GLRA2: variants seen among roughly 807,000 people sequenced by gnomAD.
GLRA2 encodes glycine receptor alpha 2.
In GLRA2, 11 loss-of-function variants were observed where a neutral mutation model predicts 31.6. The observed-to-expected ratio is 0.35, with a 90% CI of 0.22 to 0.58. GLRA2 has a LOEUF of 0.58. Among genes scored for constraint, GLRA2 ranks in the 20% least tolerant of loss-of-function variants. The probability of loss-of-function intolerance (pLI) is 0.84; values close to 1 mark genes in which losing one functional copy is unlikely to be tolerated. For missense variants in GLRA2, 212 were observed against 351.8 expected (o/e 0.60, Z 3.18); for synonymous variants, 132 against 134.0 (o/e 0.99, Z 0.10).
intron 8 of GLRA2, among the ~76,000 whole-genome samples, chrX:14,719,218 C>T (rs1291837830): frequency 1.8e-5 from 2 of 111,746 alleles, no homozygotes; most frequent in African/African-American, 6.5e-5. Flanking sequence ...TAAAAGACTT[C>T]AATGGGTGAA....
chrX:14,719,426 C>A (rs949505151), intron 8 of GLRA2, among the ~76,000 whole-genome samples: 3 of 111,876 alleles, frequency 2.7e-5, no homozygotes, highest in African/African-American at 9.7e-5. Context: ...AGAAGACATA[C>A]AAATGACCAA....
At chrX:14,690,643 C>T in intron 7 of GLRA2, 67 bp from the exon 8 acceptor site, 1 of 786,526 alleles carries the variant, frequency 1.3e-6, no homozygotes, top group Non-Finnish European at 1.9e-6. Context: ...TCCTGGCAGG[C>T]TTTCATAGTC....
the GLRA2 span, among the ~76,000 whole-genome samples, chrX:14,513,957 A>G: frequency 2.7e-5 from 3 of 112,184 alleles, no homozygotes; most frequent in Non-Finnish European, 5.6e-5. Context: ...CAAAAAGGAT[A>G]CTTGCCCATG....
At chrX:14,699,463 A>G (rs1242291559) in intron 8 of GLRA2, among the ~76,000 whole-genome samples, 1 of 112,328 alleles carries the variant, frequency 8.9e-6, no homozygotes, top group African/African-American at 3.2e-5. Context: ...TAATTGACAC[A>G]TAATAGTTGT....
At chrX:14,720,205 C>G (rs1254932210) in intron 8 of GLRA2, among the ~76,000 whole-genome samples, 1 of 111,465 alleles carries the variant, frequency 9.0e-6, no homozygotes, top group East Asian at 2.8e-4. Context: ...CAACACAACA[C>G]AGTGATTAAG....
chrX:14,476,866 A>G, the GLRA2 span, among the ~76,000 whole-genome samples: 25 of 112,254 alleles, frequency 2.2e-4, no homozygotes, highest in African/African-American at 6.5e-4. Context: ...AAAAACTGCA[A>G]TTGCTTTTAC....
chrX:14,641,633 A>G, intron 7 of GLRA2, among the ~76,000 whole-genome samples: 1 of 111,604 alleles, frequency 9.0e-6, no homozygotes. Flanking sequence ...AGTACATTGA[A>G]AGCCCTCATT....
the GLRA2 span, among the ~76,000 whole-genome samples, chrX:14,508,329 G>A: frequency 2.7e-5 from 3 of 112,405 alleles, no homozygotes; most frequent in Non-Finnish European, 5.6e-5. Context: ...TATAGTGACT[G>A]TAGTAGAAAG....
chrX:14,724,259 G>A (rs995724365), intron 8 of GLRA2, among the ~76,000 whole-genome samples: 3 of 111,272 alleles, frequency 2.7e-5, no homozygotes, highest in Non-Finnish European at 3.8e-5. Context: ...AGAGACTTTT[G>A]TATTCTTGTT....
chrX:14,581,771 C>T (rs1350754281), intron 4 of GLRA2, among the ~76,000 whole-genome samples: 3 of 65,033 alleles, frequency 4.6e-5, no homozygotes, highest in South Asian at 6.5e-4. Flanking sequence ...AGCATGCACA[C>T]ACACACACAC....
intron 7 of GLRA2, among the ~76,000 whole-genome samples, chrX:14,676,934 A>G (rs2091151285): frequency 1.8e-5 from 2 of 111,806 alleles, no homozygotes; most frequent in Non-Finnish European, 3.8e-5. Context: ...ATGTCTATAC[A>G]ATGCGAAACA....
rs190926790 is a variant in GLRA2 at position 14,707,843 on chromosome X, G to A, written c.1080+16984G>A. On this transcript the variant is annotated intron_variant, in intron 8 of 8. Coordinates refer to ENST00000218075, the MANE Select transcript of GLRA2 (RefSeq NM_002063.4). ...TTTTTTCTAGCTTTAAGGTATAATT[G>A]ACAATTAGAAATCATATATATTTAA... Among the ~76,000 whole-genome samples, 950 of 110,474 alleles carry A rather than the reference G, an allele frequency of 8.6e-3. 21 individuals carry two copies. Among genetic ancestry groups the A allele is most frequent in the Admixed American group, 0.084 (875 of 10,397 alleles).
intron 4 of GLRA2, among the ~76,000 whole-genome samples, chrX:14,588,155 C>T (rs1179154846): frequency 8.9e-6 from 1 of 111,761 alleles, no homozygotes; most frequent in African/African-American, 3.3e-5. Flanking sequence ...CTGCCCACCT[C>T]AGCCTCCCAA....
intron 7 of GLRA2, among the ~76,000 whole-genome samples, chrX:14,616,312 G>T (rs1344449982): frequency 8.9e-6 from 1 of 111,854 alleles, no homozygotes; most frequent in Non-Finnish European, 1.9e-5. Flanking sequence ...GCAAACACTG[G>T]GATAGCTAGA....
At chrX:14,493,119 G>C in the GLRA2 span, among the ~76,000 whole-genome samples, 1 of 110,532 alleles carries the variant, frequency 9.0e-6, no homozygotes, top group Non-Finnish European at 1.9e-5. Context: ...ATGAATTTTG[G>C]GAGAGACACA....
At position 14,731,422 on chromosome X, in the gene GLRA2, A is replaced by AGAT. The variant is rs1205834455; in HGVS notation, c.*939_*941dup. ...AGCTACTCAGCTACAGTATTTATGG[A>AGAT]GATGGTGTGTCCTGAACAGTGTAGC... On this transcript the variant is annotated 3_prime_UTR_variant, in exon 9 of 9. Coordinates refer to ENST00000218075, the MANE Select transcript of GLRA2 (RefSeq NM_002063.4). 1 of 111,792 alleles carries AGAT rather than the reference A, an allele frequency of 8.9e-6. No individual in the cohort carries two copies. 9.2% of individuals were successfully genotyped at this position (111,792 alleles called of 1,213,427 possible).
At chrX:14,493,050 A>T in the GLRA2 span, among the ~76,000 whole-genome samples, 3 of 111,159 alleles carry the variant, frequency 2.7e-5, no homozygotes, top group Admixed American at 1.9e-4. Flanking sequence ...TCATGACTTA[A>T]TCCCTGCCTA....
rs2089268043 is a variant in GLRA2, at chrX:14,532,344, T to C, written c.174T>C (p.Tyr58=). ...AGTTAATGGGAAGGACATCAGGATA[T>C]GATGCAAGAATCAGGCCAAATTTTA... The part of the protein sequence containing the change: ...LDKLMGRTSG[Y]DARIRPNFKG... Residue 58 remains tyrosine, a synonymous_variant, in exon 2 of 9, where the codon TAT becomes TAC. Coordinates refer to ENST00000218075, the MANE Select transcript of GLRA2 (RefSeq NM_002063.4). 8.4e-7 allele frequency: 1 copy of C among 1,191,543 alleles called. No homozygotes were observed. Among genetic ancestry groups the C allele is most frequent in the Non-Finnish European group, 1.1e-6 (1 of 881,229 alleles).
intron 7 of GLRA2, among the ~76,000 whole-genome samples, chrX:14,635,149 G>A (rs1055918383): frequency 1.8e-5 from 2 of 111,650 alleles, no homozygotes; most frequent in Admixed American, 1.9e-4. Context: ...TCTATGTCAA[G>A]TTTAACCTGA....
Sources: allele counts gnomAD v4.1 joint callset (sites outside exome capture counted in the v4.1 genomes callset), GRCh38; gene constraint gnomAD v4.1.1; transcripts MANE v1.5; gene names NCBI Gene and HGNC (gene_info 2026-07-23, HGNC 2026-07-21).